ATP2C2: variants seen among roughly 807,000 people sequenced by gnomAD.
The protein encoded by ATP2C2 is calcium-transporting ATPase type 2C member 2.
In ATP2C2, 171 loss-of-function variants were observed where a neutral mutation model predicts 110.8. The observed-to-expected ratio is 1.54, with a 90% CI of 1.36 to 1.75. The LOEUF (loss-of-function observed/expected upper bound fraction) is 1.75. Ranked by LOEUF, ATP2C2 falls within the 40% of genes most tolerant of loss-of-function variation. The pLI, the probability that ATP2C2 is intolerant of heterozygous loss-of-function variation, is 0.00. For synonymous variants in ATP2C2, 804 were observed against 508.4 expected, an observed-to-expected ratio of 1.58 and a Z score of -7.82; for missense variants, 1,963 against 1,235.0, an observed-to-expected ratio of 1.59 and a Z score of -8.84.
chr16:84,400,195 C>G (rs1453017890), intron 2 of ATP2C2, among the ~76,000 whole-genome samples: 4 of 152,114 alleles, frequency 2.6e-5, no homozygotes, highest in Non-Finnish European at 5.9e-5. Flanking sequence ...CCTTCCAAAC[C>G]TTGGCTATTG....
At chr16:84,397,487 C>G (rs938631532) in intron 1 of ATP2C2, among the ~76,000 whole-genome samples, 6 of 151,160 alleles carry the variant, frequency 4.0e-5, no homozygotes, top group Non-Finnish European at 8.8e-5. Context: ...TCAGCCTGGG[C>G]AACATAGGGA....
rs766356684 is a variant in ATP2C2 at position 84,425,775 on chromosome 16, C to G, written c.960C>G (p.Leu320=). The G allele has an allele frequency of 1.9e-6, 3 of 1,614,132 alleles. No individual in the cohort carries two copies. Among genetic ancestry groups the G allele is most frequent in the South Asian group, 1.1e-5 (1 of 91,076 alleles). The change falls in exon 11 of 27, where the codon CTC becomes CTG. Residue 320 remains leucine, a synonymous_variant. Transcript: ENST00000262429. ...MLIGWSQGKQ[L]LSMFTIGVSL... ...TTGGCTGGTCGCAAGGGAAACAACT[C>G]CTGAGTATGTTCACGATCGGGGTCA...
intron 7 of ATP2C2, among the ~76,000 whole-genome samples, chr16:84,420,719 T>G (rs1353639809): frequency 6.6e-6 from 1 of 152,160 alleles, no homozygotes; most frequent in African/African-American, 2.4e-5. Context: ...GGATCCTACC[T>G]GACATTTAGT....
At chr16:84,420,616 A>G (rs1460588068) in intron 7 of ATP2C2, among the ~76,000 whole-genome samples, 6 of 151,952 alleles carry the variant, frequency 3.9e-5, no homozygotes, top group East Asian at 1.9e-4. Context: ...ATCGGTCACA[A>G]CTAAGGAACC....
intron 11 of ATP2C2, among the ~76,000 whole-genome samples, chr16:84,426,260 C>T (rs951817724): frequency 2.0e-5 from 3 of 152,060 alleles, no homozygotes; most frequent in Admixed American, 6.6e-5. Flanking sequence ...GGAGATGCCA[C>T]ATGCTTTGAA....
intron 7 of ATP2C2, among the ~76,000 whole-genome samples, chr16:84,415,871 A>C (rs1458722221): frequency 6.6e-6 from 1 of 152,224 alleles, no homozygotes; most frequent in Non-Finnish European, 1.5e-5. Context: ...AATTAAACCA[A>C]GGTGGGCTTG....
intron 11 of ATP2C2, among the ~76,000 whole-genome samples, chr16:84,437,601 C>G (rs532472820): frequency 6.6e-6 from 1 of 152,254 alleles, no homozygotes; most frequent in East Asian, 1.9e-4. Flanking sequence ...CTGCAACCTC[C>G]GCCTCTCAGG....
At chr16:84,421,859 T>G (rs1404648837) in intron 7 of ATP2C2, among the ~76,000 whole-genome samples, 3 of 152,192 alleles carry the variant, frequency 2.0e-5, no homozygotes, top group Admixed American at 1.3e-4. Context: ...TGTGGGGAGC[T>G]GCGCACAGGG....
intron 2 of ATP2C2, among the ~76,000 whole-genome samples, chr16:84,400,759 C>T (rs997105888): frequency 2.0e-5 from 3 of 152,168 alleles, no homozygotes; most frequent in Non-Finnish European, 4.4e-5. Flanking sequence ...GGATAAAAGC[C>T]ATTTTAACTG....
rs868067776 is a variant in ATP2C2 at position 84,376,563 on chromosome 16, A to G, written c.99+7849A>G. On this transcript the variant is annotated intron_variant, in intron 1 of 26. Transcript: ENST00000262429. The stretch of plus-strand genomic sequence containing the variant: ...TTTTTTTTTTTTTAGCTCATCAGCT[A>G]TCATTGGTATTAGTGTATTTTATGT... 3.9e-4 allele frequency among the ~76,000 whole-genome samples: 58 copies of G among 149,948 alleles called. 1 individual carries two copies. Among genetic ancestry groups the G allele is most frequent in the African/African-American group, 1.2e-3 (47 of 40,742 alleles).
At chr16:84,371,957 C>G (rs1198823240) in intron 1 of ATP2C2, among the ~76,000 whole-genome samples, 1 of 152,204 alleles carries the variant, frequency 6.6e-6, no homozygotes, top group Non-Finnish European at 1.5e-5. Context: ...TCACAGTTCA[C>G]TGTTTAATGC....
chr16:84,417,230 G>A (rs1472448121), intron 7 of ATP2C2, among the ~76,000 whole-genome samples: 2 of 152,290 alleles, frequency 1.3e-5, no homozygotes, highest in African/African-American at 4.8e-5. Context: ...CCTGGCACAG[G>A]TGAGTGAGAG....
intron 17 of ATP2C2, among the ~76,000 whole-genome samples, chr16:84,451,253 G>T (rs760273385): frequency 1.3e-5 from 2 of 152,104 alleles, no homozygotes; most frequent in Admixed American, 1.3e-4. Context: ...AGCATTGTGG[G>T]GAAAACCACC....
chr16:84,400,390 G>T (rs1356198578), intron 2 of ATP2C2, among the ~76,000 whole-genome samples: 2 of 150,496 alleles, frequency 1.3e-5, no homozygotes, highest in Admixed American at 1.3e-4. Context: ...GCGGTGGCGC[G>T]ATCTCTGCTC....
chr16:84,404,605 G>C (rs1322175530), intron 2 of ATP2C2: 1 of 255,676 alleles, frequency 3.9e-6, no homozygotes, highest in African/African-American at 2.3e-5. Flanking sequence ...TCCCTTGAAA[G>C]ATTGGTGGGT....
chr16:84,417,747 G>A (rs1382573209), intron 7 of ATP2C2, among the ~76,000 whole-genome samples: 1 of 152,158 alleles, frequency 6.6e-6, no homozygotes, highest in African/African-American at 2.4e-5. Context: ...TTGTACCTGT[G>A]TATTGATACC....
intron 1 of ATP2C2, among the ~76,000 whole-genome samples, chr16:84,388,894 C>A (rs548207087): frequency 6.6e-6 from 1 of 152,328 alleles, no homozygotes. Flanking sequence ...GCCTCAGCCT[C>A]CTGAGTAGCT....
chr16:84,389,840 C>G (rs1482496992), intron 1 of ATP2C2, among the ~76,000 whole-genome samples: 1 of 151,974 alleles, frequency 6.6e-6, no homozygotes, highest in Non-Finnish European at 1.5e-5. Context: ...CCTGCCTCAG[C>G]CTCCCGAGTA....
chr16:84,459,869 A>G (rs1156230428), intron 23 of ATP2C2: 15 of 367,938 alleles, frequency 4.1e-5, no homozygotes, highest in Non-Finnish European at 7.7e-5. Context: ...ATGTCTAGAG[A>G]TAAAGGGCTT....
Sources: gnomAD v4.1 joint callset for allele counts (sites outside exome capture counted in the v4.1 genomes callset) on GRCh38, gnomAD v4.1.1 for gene constraint, MANE v1.5 for transcripts, NCBI Gene and HGNC (gene_info 2026-07-23, HGNC 2026-07-21) for gene names.